The following PSMD1 variants were observed in gnomAD, a reference collection of about 807,000 sequenced individuals.
PSMD1 encodes the protein proteasome 26S subunit, non-ATPase 1, also known as 26S proteasome non-ATPase regulatory subunit 1.
In PSMD1, 18 loss-of-function variants were observed where a neutral mutation model predicts 119.0. The ratio of observed to expected loss-of-function variants is 0.15; its 90% confidence interval spans 0.10 to 0.22. The LOEUF (loss-of-function observed/expected upper bound fraction) is 0.22, where lower values mean the gene tolerates loss of function less well. Ranked by LOEUF, PSMD1 falls within the 10% of genes least tolerant of loss-of-function variation. The probability of loss-of-function intolerance (pLI) is 1.00; values close to 1 mark genes in which losing one functional copy is unlikely to be tolerated. For synonymous variants in PSMD1, 374 were observed against 396.6 expected (o/e 0.94, Z 0.68); for missense variants, 702 against 1,158.5 (o/e 0.61, Z 5.72).
intron 19 of PSMD1, among the ~76,000 whole-genome samples, chr2:231,160,323 CAG>C (rs974655032): frequency 3.9e-5 from 6 of 152,160 alleles, no homozygotes; most frequent in African/African-American, 1.4e-4. Flanking sequence ...TAGTTAATGT[CAG>C]AGCTCCTCCC....
chr2:231,083,883 C>T (rs1162357853), intron 14 of PSMD1, 120 bp downstream of exon 14: 4 of 968,624 alleles, frequency 4.1e-6, no homozygotes, highest in Middle Eastern at 2.8e-4. Context: ...CATAAAACTT[C>T]TGGCAATGTA....
At chr2:231,129,829 C>G (rs1230391310) in intron 16 of PSMD1, among the ~76,000 whole-genome samples, 1 of 152,124 alleles carries the variant, frequency 6.6e-6, no homozygotes, top group African/African-American at 2.4e-5. Context: ...ATTTCCCCTA[C>G]TTTTTTGTTT....
chr2:231,082,476 G>A lies in PSMD1; in HGVS notation c.1414-407G>A, dbSNP rs146830187. Among the ~76,000 whole-genome samples the A allele has an allele frequency of 2.5e-4, 38 of 152,288 alleles. No homozygotes were observed. The East Asian group carries it at 6.8e-3, about 27-fold the overall frequency. On this transcript the variant is annotated intron_variant, in intron 12 of 24. Transcript: ENST00000308696. ...CCCAGAACTTTGGGAGGCCAAGGTG[G>A]GTGGATCACCTGAGGTCAGGAAGTT...
intron 4 of PSMD1, among the ~76,000 whole-genome samples, chr2:231,066,663 A>G (rs1026922531): frequency 5.9e-5 from 9 of 152,158 alleles, no homozygotes; most frequent in Non-Finnish European, 7.4e-5. Flanking sequence ...GTGGGTGAGC[A>G]CTACCACACC....
chr2:231,162,688 G>A (rs1314531161), intron 20 of PSMD1, among the ~76,000 whole-genome samples: 2 of 152,034 alleles, frequency 1.3e-5, no homozygotes, highest in Admixed American at 6.6e-5. Context: ...CAGGCCGGGT[G>A]TGGTTGTGCA....
chr2:231,160,965 C>A (rs1342263708), intron 19 of PSMD1, among the ~76,000 whole-genome samples: 3 of 152,032 alleles, frequency 2.0e-5, no homozygotes, highest in Non-Finnish European at 4.4e-5. Context: ...AATCCCAAGA[C>A]TTTGGGAGGC....
At chr2:231,116,310 G>A (rs1210622574) in intron 16 of PSMD1, among the ~76,000 whole-genome samples, 1 of 152,122 alleles carries the variant, frequency 6.6e-6, no homozygotes, top group Non-Finnish European at 1.5e-5. Context: ...AAGTAGGGTG[G>A]TAGGAAAATA....
In PSMD1 at chr2:231,072,143, A is replaced by G. The variant is rs545847276; in HGVS notation, c.655-46A>G. 5 of 1,493,306 alleles carry G rather than the reference A, an allele frequency of 3.3e-6. No individual in the cohort carries two copies. The African/African-American group carries it at 4.2e-5, about 12-fold the overall frequency. 92.5% of individuals were successfully genotyped at this position (1,493,306 alleles called of 1,614,324 possible). A position where few individuals can be genotyped will look rare whatever the true frequency, so the allele number is the denominator to read the frequency against. ...TTTTGTCTCCTTAAGTACCTTGTAG[A>G]TGAAGTTTTTAATTATTGAATAATT... On this transcript the variant is annotated intron_variant, in intron 6 of 24. Transcript: ENST00000308696.
intron 16 of PSMD1, among the ~76,000 whole-genome samples, chr2:231,116,468 G>A (rs1475796590): frequency 6.6e-6 from 1 of 151,404 alleles, no homozygotes; most frequent in African/African-American, 2.4e-5. Context: ...ATTTAAACCT[G>A]TCTATTTAGC....
At position 231,170,629 on chromosome 2, in the gene PSMD1, C is replaced by T. The variant is rs1481145781; in HGVS notation, c.2779C>T (p.Pro927Ser). The change falls in exon 24 of 25, where the codon CCT becomes TCT. Residue 927 changes from proline (P) to serine (S), a missense_variant. Pro to Ser is a moderately conservative substitution (Grantham distance 74). This residue lies in a region of PSMD1 where 152 missense variants were observed against 239.3 expected (regional missense o/e 0.64). Coordinates refer to ENST00000308696, the MANE Select transcript of PSMD1 (RefSeq NM_002807.4). This position sits in a 1 kb window ranked among gnomAD's most constrained non-coding sequence, Gnocchi z 4.1. ...TSEDIEELVE[P>S]VAAHGPKIEE... The stretch of plus-strand genomic sequence containing the variant: ...TGAAGACATTGAGGAGCTGGTGGAA[C>T]CTGTGGCAGCACATGGCCCAAAAAT... The T allele has an allele frequency of 1.9e-6, 3 of 1,614,028 alleles. No individual in the cohort carries two copies. Among genetic ancestry groups the T allele is most frequent in the Admixed American group, 3.3e-5 (2 of 59,996 alleles).
At chr2:231,100,359 C>G (rs1247980956) in intron 16 of PSMD1, among the ~76,000 whole-genome samples, 1 of 152,178 alleles carries the variant, frequency 6.6e-6, no homozygotes, top group East Asian at 1.9e-4. Context: ...CTGTGTCATT[C>G]CCCTGTTGGC....
chr2:231,112,810 A>G (rs1435852813), intron 16 of PSMD1, among the ~76,000 whole-genome samples: 1 of 151,724 alleles, frequency 6.6e-6, no homozygotes, highest in African/African-American at 2.4e-5. Flanking sequence ...GATTTCTTTT[A>G]TACATAATTT....
chr2:231,071,487 G>A (rs1425851690), intron 6 of PSMD1, among the ~76,000 whole-genome samples: 1 of 151,912 alleles, frequency 6.6e-6, no homozygotes, highest in Non-Finnish European at 1.5e-5. Flanking sequence ...ATTCTTCATA[G>A]AGTCCTCTTA....
At chr2:231,155,200 C>T (rs1329734527) in intron 19 of PSMD1, among the ~76,000 whole-genome samples, 1 of 152,164 alleles carries the variant, frequency 6.6e-6, no homozygotes, top group Admixed American at 6.5e-5. Context: ...AATAACATCT[C>T]AAGGTTTTTA....
In PSMD1 at chr2:231,108,763, C is replaced by T. The variant is rs754790113; in HGVS notation, c.1883+21582C>T. ...TGAGAGTTTTTACTGACTTTGTGGC[C>T]CGGTAATTGCAGGTGATATATCGGC... On this transcript the variant is annotated intron_variant, in intron 16 of 24. Coordinates refer to ENST00000308696, the MANE Select transcript of PSMD1 (RefSeq NM_002807.4). 6.8e-6 allele frequency: 11 copies of T among 1,613,962 alleles called. No individual in the cohort carries two copies. The South Asian group carries it at 1.2e-4, about 18-fold the overall frequency.
At chr2:231,144,354 C>T (rs1419005961) in intron 17 of PSMD1, among the ~76,000 whole-genome samples, 1 of 149,578 alleles carries the variant, frequency 6.7e-6, no homozygotes, top group East Asian at 2.0e-4. Flanking sequence ...TTGGTTCAAG[C>T]GATTCTCCAG....
intron 2 of PSMD1, 71 bp downstream of exon 2, chr2:231,061,381 G>T (rs1435509779): frequency 8.0e-7 from 1 of 1,257,512 alleles, no homozygotes; most frequent in East Asian, 2.5e-5. Context: ...AGTGATATCT[G>T]TAATCTTCCA....
rs1481394313 is a variant in PSMD1 at position 231,131,500 on chromosome 2, C to T, written c.1884-7236C>T. Among the ~76,000 whole-genome samples, 3 of 46,268 alleles carry T rather than the reference C, an allele frequency of 6.5e-5. 1 individual carries two copies. The highest frequency in any genetic ancestry group is 9.7e-5 in the Non-Finnish European group (3 of 30,828). The allele number at this position is 46,268 out of a possible 152,430, so 30.4% of individuals were successfully genotyped here. On this transcript the variant is annotated intron_variant, in intron 16 of 24. Transcript: ENST00000308696. ...TGCCCTTGCCGGGCGCGGTGGCTCA[C>T]GCCTGTAATCCCAGCACTTTGGGAG... is the stretch of plus-strand genomic sequence containing the variant.
At chr2:231,097,917 A>G (rs1251910005) in intron 16 of PSMD1, among the ~76,000 whole-genome samples, 1 of 152,116 alleles carries the variant, frequency 6.6e-6, no homozygotes, top group Non-Finnish European at 1.5e-5. Flanking sequence ...ATACCACCAC[A>G]CATCTGCTTG....
Sources: allele counts gnomAD v4.1 joint callset (sites outside exome capture counted in the v4.1 genomes callset), GRCh38; gene constraint gnomAD v4.1.1; regional missense constraint gnomAD v4.1.1; non-coding constraint Gnocchi (gnomAD v3.1); transcripts MANE v1.5; gene names NCBI Gene and HGNC (gene_info 2026-07-23, HGNC 2026-07-21).